Variants in FRMD5 observed in about 807,000 individuals in gnomAD.
FRMD5 encodes FERM domain containing 5.
A neutral mutation model predicts 69.0 loss-of-function variants in FRMD5; 20 were observed. The ratio of observed to expected loss-of-function variants is 0.29; its 90% CI spans 0.20 to 0.42. The LOEUF is 0.42. Among genes scored for constraint, FRMD5 ranks in the 10% least tolerant of loss-of-function variants. The pLI, the probability that FRMD5 is intolerant of heterozygous loss-of-function variation, is 1.00. For missense variants in FRMD5, 595 were observed against 708.6 expected (o/e 0.84, Z 1.82); for synonymous variants, 271 against 260.1 (o/e 1.04, Z -0.40).
Position 43,909,966 on chromosome 15 carries a change from G to A in FRMD5, c.343C>T (p.Leu115=). The change falls in exon 5 of 14, where the codon CTG becomes TTG. Residue 115 remains leucine, a synonymous_variant. Transcript: ENST00000417257. The stretch of plus-strand genomic sequence containing the variant: ...TGGTAGAGATCCCTTTTGATCTGCA[G>A]GAAGACTAAATACCTGGAGAGAAAA... ...KEEITRYLVF[L]QIKRDLYHGR... 6.2e-7 allele frequency: 1 copy of A among 1,600,336 alleles called. No individual in the cohort carries two copies. Among genetic ancestry groups the A allele is most frequent in the African/African-American group, 1.3e-5 (1 of 74,690 alleles).
intron 1 of FRMD5, among the ~76,000 whole-genome samples, chr15:44,168,248 T>A (rs533672693): frequency 6.6e-6 from 1 of 152,360 alleles, no homozygotes; most frequent in East Asian, 1.9e-4. Flanking sequence ...ACAAGTCTTG[T>A]GATCTTTGAG....
chr15:44,113,925 C>T (rs1281388703), intron 1 of FRMD5, among the ~76,000 whole-genome samples: 1 of 152,012 alleles, frequency 6.6e-6, no homozygotes, highest in Non-Finnish European at 1.5e-5. Flanking sequence ...CCAGATTAAT[C>T]GACATATGAG....
At chr15:43,974,722 A>G (rs2090438073) in intron 1 of FRMD5, among the ~76,000 whole-genome samples, 1 of 152,256 alleles carries the variant, frequency 6.6e-6, no homozygotes, top group Admixed American at 6.5e-5. Context: ...CAATATTCTG[A>G]AAGATACAAC....
chr15:44,143,632 G>T (rs1474836749), intron 1 of FRMD5, among the ~76,000 whole-genome samples: 2 of 150,740 alleles, frequency 1.3e-5, no homozygotes, highest in Non-Finnish European at 2.9e-5. Context: ...ATGGTAGAAA[G>T]TATTATCTTT....
chr15:44,181,780 C>A (rs1417793019), intron 1 of FRMD5, among the ~76,000 whole-genome samples: 2 of 152,002 alleles, frequency 1.3e-5, no homozygotes, highest in East Asian at 3.9e-4. Context: ...GTGGCATGCA[C>A]CTGTAGTCCC....
chr15:44,152,769 CAT>C (rs1258610252), intron 1 of FRMD5, among the ~76,000 whole-genome samples: 4 of 152,022 alleles, frequency 2.6e-5, no homozygotes, highest in African/African-American at 7.2e-5. Context: ...TGCTTGATGA[CAT>C]ATTTTGTCTG....
At chr15:44,145,803 TA>T (rs759971472) in intron 1 of FRMD5, among the ~76,000 whole-genome samples, 4 of 152,170 alleles carry the variant, frequency 2.6e-5, no homozygotes, top group Non-Finnish European at 5.9e-5. Context: ...ACAAGTAATT[TA>T]GTGGGCATTA....
chr15:43,961,380 A>G (rs1033046487), intron 1 of FRMD5, among the ~76,000 whole-genome samples: 2 of 152,324 alleles, frequency 1.3e-5, no homozygotes, highest in East Asian at 1.9e-4. Context: ...TGAATAGACC[A>G]ATAACAGGAG....
At chr15:44,059,152 G>A (rs1365103152) in intron 1 of FRMD5, among the ~76,000 whole-genome samples, 6 of 152,186 alleles carry the variant, frequency 3.9e-5, no homozygotes, top group Non-Finnish European at 8.8e-5. Flanking sequence ...CTGGGAGTGA[G>A]CGGATTATTC....
At chr15:44,041,742 G>C (rs956702620) in intron 1 of FRMD5, among the ~76,000 whole-genome samples, 2 of 152,288 alleles carry the variant, frequency 1.3e-5, no homozygotes, top group East Asian at 3.9e-4. Context: ...TGAGAACAAA[G>C]ACACAACGTA....
At chr15:44,166,572 G>A (rs1240201379) in intron 1 of FRMD5, among the ~76,000 whole-genome samples, 4 of 151,910 alleles carry the variant, frequency 2.6e-5, no homozygotes, top group Non-Finnish European at 5.9e-5. Context: ...ATCACTTGAG[G>A]TCAGGAGTTC....
chr15:43,875,363 A>AATATATAT (rs749584177), intron 13 of FRMD5, among the ~76,000 whole-genome samples: 11 of 105,318 alleles, frequency 1.0e-4, no homozygotes, highest in South Asian at 6.3e-4. Context: ...AAAAAAAAAA[A>AATATATAT]ATATATATAT....
At chr15:44,038,540 T>TTTTTTTTTTA (rs1555397090) in intron 1 of FRMD5, among the ~76,000 whole-genome samples, 5 of 146,608 alleles carry the variant, frequency 3.4e-5, no homozygotes, top group South Asian at 2.2e-4. Flanking sequence ...TTTTTTTTTT[T>TTTTTTTTTTA]ATAACAATTC....
rs1431800359 is a variant in FRMD5 at position 43,919,828 on chromosome 15, A to G, written c.208-19T>C. ...GCCAATGCTGAAACAGAGAACACAG[A>G]ACATGAAAACCCTAATGAGAAGGGC... On this transcript the variant is annotated intron_variant, in intron 2 of 13. Coordinates refer to ENST00000417257, the MANE Select transcript of FRMD5 (RefSeq NM_032892.5). 7 of 1,611,150 alleles carry G rather than the reference A, an allele frequency of 4.3e-6. No individual in the cohort carries two copies. The Admixed American group carries it at 1.2e-4, about 27-fold the overall frequency.
chr15:43,992,442 G>T (rs895791485), intron 1 of FRMD5, among the ~76,000 whole-genome samples: 22 of 151,534 alleles, frequency 1.5e-4, no homozygotes, highest in Admixed American at 2.0e-4. Flanking sequence ...GCCGTGGTGC[G>T]ATATCAGCTC....
In FRMD5 at chr15:44,090,412, C is replaced by G. The variant is rs571799770; in HGVS notation, c.102+104541G>C. On this transcript the variant is annotated intron_variant, in intron 1 of 13. Coordinates refer to ENST00000417257, the MANE Select transcript of FRMD5 (RefSeq NM_032892.5). ...TTAAAGATAAAATGTTATGGAAGCCCTGTCTAAATTACCAAAGAGATGAAT... is the reference window on the plus strand; with the variant it reads ...TTAAAGATAAAATGTTATGGAAGCCGTGTCTAAATTACCAAAGAGATGAAT... 2.6e-5 allele frequency among the ~76,000 whole-genome samples: 4 copies of G among 151,552 alleles called. 1 individual carries two copies. Among genetic ancestry groups the G allele is most frequent in the African/African-American group, 9.7e-5 (4 of 41,348 alleles).
intron 1 of FRMD5, among the ~76,000 whole-genome samples, chr15:44,158,970 A>G (rs1246816551): frequency 1.3e-5 from 2 of 152,216 alleles, no homozygotes. Flanking sequence ...GCATAGGAAG[A>G]CAAAAAAAAT....
intron 1 of FRMD5, among the ~76,000 whole-genome samples, chr15:44,100,047 CTTT>C (rs375230009): frequency 3.9e-5 from 5 of 129,244 alleles, no homozygotes; most frequent in African/African-American, 2.9e-5. Context: ...TTCTTCTTCT[CTTT>C]TTTTTTTTTT....
At chr15:44,111,387 T>C (rs1231321885) in intron 1 of FRMD5, among the ~76,000 whole-genome samples, 1 of 152,220 alleles carries the variant, frequency 6.6e-6, no homozygotes, top group Non-Finnish European at 1.5e-5. Context: ...TTTTCAGCAA[T>C]TGTCAAAAGT....
Sources: gnomAD v4.1 joint callset for allele counts (sites outside exome capture counted in the v4.1 genomes callset) on GRCh38, gnomAD v4.1.1 for gene constraint, MANE v1.5 for transcripts, NCBI Gene and HGNC (gene_info 2026-07-23, HGNC 2026-07-21) for gene names.